Variants in TMC5 observed in about 807,000 individuals in gnomAD.
The protein encoded by TMC5 is transmembrane channel-like protein 5.
A neutral mutation model predicts 110.5 loss-of-function variants in TMC5; 86 were observed. The observed-to-expected ratio is 0.78, with a 90% CI of 0.65 to 0.93. The LOEUF (loss-of-function observed/expected upper bound fraction) is 0.93. Ranked by LOEUF, TMC5 falls within the 40% of genes least tolerant of loss-of-function variation. The pLI is 0.00. For synonymous variants in TMC5, 455 were observed against 439.5 expected (o/e 1.04, Z -0.44); for missense variants, 1,144 against 1,222.8 (o/e 0.94, Z 0.96).
At chr16:19,463,598 G>A (rs1968083373) in intron 7 of TMC5, among the ~76,000 whole-genome samples, 178 bp from the exon 8 acceptor site, 1 of 152,220 alleles carries the variant, frequency 6.6e-6, no homozygotes, top group Non-Finnish European at 1.5e-5. Context: ...CAGCAAACCT[G>A]GGAAGGTCAT....
chr16:19,444,355 C>A, intron 4 of TMC5, 105 bp downstream of exon 4: 6 of 1,021,628 alleles, frequency 5.9e-6, no homozygotes, highest in South Asian at 1.7e-5. Flanking sequence ...ATTGGTGTAT[C>A]CTTCCAATCT....
intron 5 of TMC5, among the ~76,000 whole-genome samples, chr16:19,456,271 G>A (rs1967869981): frequency 6.8e-6 from 1 of 147,762 alleles, no homozygotes; most frequent in Non-Finnish European, 1.5e-5. Flanking sequence ...ACATATATAT[G>A]TATATTTAGA....
In TMC5 at chr16:19,474,288, G is replaced by A; in HGVS notation, c.2090+12G>A. On this transcript the variant is annotated intron_variant, in intron 12 of 21. Coordinates refer to ENST00000542583, the MANE Select transcript of TMC5 (RefSeq NM_001261841.2). ...GTTCTCCTGATCCGGTAGGTGATGT[G>A]TCGCGCCCAACACCAGCCTCTATTT... 2.5e-6 allele frequency: 4 copies of A among 1,612,428 alleles called. No individual in the cohort carries two copies. Among genetic ancestry groups the A allele is most frequent in the Non-Finnish European group, 3.4e-6 (4 of 1,179,114 alleles).
chr16:19,492,915 G>GATAGATATATATATATATATATATATAT (rs58561457), intron 19 of TMC5, among the ~76,000 whole-genome samples: 1 of 42,752 alleles, frequency 2.3e-5, no homozygotes. Context: ...TTAAAACTTA[G>GATAGATATATATATATATATATATATAT]ATATATATAT....
chr16:19,474,213 C>T lies in TMC5; in HGVS notation c.2027C>T (p.Ser676Phe). 1 of 1,614,118 alleles carries T rather than the reference C, an allele frequency of 6.2e-7. No individual in the cohort carries two copies. The highest frequency in any genetic ancestry group is 8.5e-7 in the Non-Finnish European group (1 of 1,180,030). Reference protein sequence around the residue: ...CINLAVPCIYSMFRLVERYEM... With the variant: ...CINLAVPCIYFMFRLVERYEM... ...AATCTGGCCGTGCCATGCATCTACTCCATGTTCAGGCTTGTGGAGAGGTAC... is the reference window on the plus strand; with the variant it reads ...AATCTGGCCGTGCCATGCATCTACTTCATGTTCAGGCTTGTGGAGAGGTAC... Residue 676 changes from serine (S) to phenylalanine (F), a missense_variant, in exon 12 of 22, where the codon TCC becomes TTC. Ser to Phe is a radical substitution (Grantham distance 155, BLOSUM62 -2). Transcript: ENST00000542583.
At chr16:19,423,630 A>T (rs1353038855) in intron 1 of TMC5, among the ~76,000 whole-genome samples, 1 of 152,198 alleles carries the variant, frequency 6.6e-6, no homozygotes, top group Non-Finnish European at 1.5e-5. Flanking sequence ...CTAGGAAAAA[A>T]GTTTTTTCCC....
chr16:19,434,847 T>C (rs951268723), intron 2 of TMC5, among the ~76,000 whole-genome samples: 34 of 152,272 alleles, frequency 2.2e-4, no homozygotes, highest in Non-Finnish European at 4.6e-4. Context: ...GTCAGTATTG[T>C]ATGGTTGAGG....
intron 5 of TMC5, 36 bp downstream of exon 5, chr16:19,449,667 ACT>A (rs1567307165): frequency 3.8e-6 from 6 of 1,567,320 alleles, no homozygotes; most frequent in Non-Finnish European, 5.3e-6. Context: ...TCCCCACCCA[ACT>A]CTCATTTCAA....
intron 11 of TMC5, among the ~76,000 whole-genome samples, chr16:19,473,701 C>T (rs1220132261): frequency 1.3e-5 from 2 of 152,156 alleles, no homozygotes; most frequent in African/African-American, 2.4e-5. Flanking sequence ...TTAACCTAGC[C>T]GGGCGCGATG....
At chr16:19,415,444 C>T (rs554529891), upstream of TMC5, among the ~76,000 whole-genome samples, 36 of 152,210 alleles carry the variant, frequency 2.4e-4, no homozygotes, top group Middle Eastern at 3.4e-3. Flanking sequence ...GTTGGGGTGT[C>T]CTCCTGGTAT....
At chr16:19,444,752 A>G (rs574029668) in intron 4 of TMC5, among the ~76,000 whole-genome samples, 1 of 152,200 alleles carries the variant, frequency 6.6e-6, no homozygotes, top group Non-Finnish European at 1.5e-5. Flanking sequence ...TGTGTTCAGA[A>G]CCTACTGGGG....
intron 10 of TMC5, among the ~76,000 whole-genome samples, chr16:19,470,701 G>T (rs569557135): frequency 4.3e-4 from 55 of 126,504 alleles, no homozygotes; most frequent in African/African-American, 1.6e-3. Flanking sequence ...AGAAACCCTG[G>T]TCTATAGACA....
At chr16:19,474,407 G>C (rs1296004044) in intron 12 of TMC5, 131 bp downstream of exon 12, 2 of 1,086,606 alleles carry the variant, frequency 1.8e-6, no homozygotes, top group Non-Finnish European at 2.7e-6. Context: ...GTAAGGTGTG[G>C]CTGGGCGTGG....
At chr16:19,431,950 T>G in intron 2 of TMC5, among the ~76,000 whole-genome samples, 1 of 152,180 alleles carries the variant, frequency 6.6e-6, no homozygotes, top group East Asian at 1.9e-4. Context: ...TGCTCCCAGT[T>G]TTTTGTCATT....
intron 10 of TMC5, among the ~76,000 whole-genome samples, chr16:19,470,424 T>A (rs562439624): frequency 1.3e-5 from 2 of 152,204 alleles, no homozygotes; most frequent in South Asian, 4.1e-4. Flanking sequence ...TAGCCTCAAG[T>A]GATCCACCCG....
At chr16:19,495,381 ACTTTAATT>A (rs973132615) in intron 20 of TMC5, among the ~76,000 whole-genome samples, 5 of 151,990 alleles carry the variant, frequency 3.3e-5, no homozygotes, top group African/African-American at 1.2e-4. Context: ...ATCTACCAAC[ACTTTAATT>A]TACTTGTTTA....
intron 1 of TMC5, chr16:19,411,642 T>C (rs1368873612): frequency 6.6e-6 from 1 of 152,230 alleles, no homozygotes; most frequent in Non-Finnish European, 1.5e-5. Context: ...GGTGCAATAA[T>C]AGTAGCTTGC....
intron 1 of TMC5, among the ~76,000 whole-genome samples, chr16:19,426,590 T>C (rs1269995019): frequency 2.6e-5 from 4 of 152,200 alleles, no homozygotes; most frequent in African/African-American, 9.6e-5. Context: ...TGTCTCCATC[T>C]GTCCCAGAGA....
At chr16:19,417,130 G>A (rs576473144), upstream of TMC5, among the ~76,000 whole-genome samples, 85 of 138,502 alleles carry the variant, frequency 6.1e-4, no homozygotes, top group African/African-American at 1.6e-3. Flanking sequence ...AAAGAAAAAC[G>A]TGTCCAGGCC....
Sources: gnomAD v4.1 joint callset for allele counts (sites outside exome capture counted in the v4.1 genomes callset) on GRCh38, gnomAD v4.1.1 for gene constraint, MANE v1.5 for transcripts, NCBI Gene and HGNC (gene_info 2026-07-23, HGNC 2026-07-21) for gene names.